The following CTNNA1 variants were observed in gnomAD, a reference collection of about 807,000 sequenced individuals.
CTNNA1 encodes catenin alpha 1.
A neutral mutation model predicts 98.4 loss-of-function variants in CTNNA1; 37 were observed. The observed-to-expected ratio is 0.38, with a 90% CI of 0.29 to 0.49. The LOEUF (loss-of-function observed/expected upper bound fraction) is 0.49. CTNNA1 is among the 20% of genes least tolerant of loss of function. The probability of loss-of-function intolerance (pLI) is 0.95; values close to 1 mark genes in which losing one functional copy is unlikely to be tolerated. For synonymous variants in CTNNA1, 404 were observed against 413.2 expected (o/e 0.98, Z 0.27); for missense variants, 761 against 1,147.2 (o/e 0.66, Z 4.86).
chr5:138,795,893 A>G (rs910009562), intron 3 of CTNNA1, among the ~76,000 whole-genome samples: 25 of 152,218 alleles, frequency 1.6e-4, no homozygotes, highest in Non-Finnish European at 3.2e-4. Flanking sequence ...TTTGTATCCT[A>G]GAGATGAAAC....
At chr5:138,899,741 A>G (rs1757619065) in intron 9 of CTNNA1, among the ~76,000 whole-genome samples, 3 of 152,184 alleles carry the variant, frequency 2.0e-5, no homozygotes, top group Admixed American at 2.0e-4. Flanking sequence ...TACTTCTCTG[A>G]AGTTCTCCTT....
chr5:138,886,096 T>C (rs1259283671), intron 7 of CTNNA1, 116 bp from the exon 8 acceptor site: 1 of 1,165,094 alleles, frequency 8.6e-7, no homozygotes, highest in Non-Finnish European at 1.2e-6. Flanking sequence ...TTTCCAACTT[T>C]GAGTTTAAGA....
At chr5:138,889,184 G>A (rs1754793761) in intron 9 of CTNNA1, among the ~76,000 whole-genome samples, 1 of 152,186 alleles carries the variant, frequency 6.6e-6, no homozygotes, top group Non-Finnish European at 1.5e-5. Flanking sequence ...AGGAAGCAAG[G>A]ATGCTGCCAG....
chr5:138,799,563 G>A (rs933307082), intron 3 of CTNNA1, among the ~76,000 whole-genome samples: 2 of 151,368 alleles, frequency 1.3e-5, no homozygotes, highest in Admixed American at 1.3e-4. Flanking sequence ...TTGAGCATGG[G>A]TTCTTTTTAC....
chr5:138,802,487 G>A (rs1217338789), intron 3 of CTNNA1, among the ~76,000 whole-genome samples: 1 of 151,880 alleles, frequency 6.6e-6, no homozygotes, highest in African/African-American at 2.4e-5. Context: ...AAAATTTTGG[G>A]GGGTCTTATT....
chr5:138,804,896 C>G (rs1304659551), intron 3 of CTNNA1, among the ~76,000 whole-genome samples: 1 of 152,152 alleles, frequency 6.6e-6, no homozygotes, highest in South Asian at 2.1e-4. Context: ...AAAGAAATAC[C>G]TGAAACTGGG....
At chr5:138,759,349 CT>C (rs1242729700) in intron 1 of CTNNA1, among the ~76,000 whole-genome samples, 2 of 152,236 alleles carry the variant, frequency 1.3e-5, no homozygotes, top group Admixed American at 6.5e-5. Flanking sequence ...CTTCTCAGGT[CT>C]TTTTTGAGCC....
At chr5:138,812,617 T>C (rs1758947509) in intron 5 of CTNNA1, among the ~76,000 whole-genome samples, 1 of 152,188 alleles carries the variant, frequency 6.6e-6, no homozygotes, top group South Asian at 2.1e-4. Context: ...AGTGGTGCAG[T>C]TTTGTTCAGA....
Position 138,930,537 on chromosome 5 carries a change from A to G in CTNNA1, c.2075A>G (p.Gln692Arg), listed in dbSNP as rs2150334393. 6.2e-7 allele frequency: 1 copy of G among 1,613,968 alleles called. No homozygotes were observed. Among genetic ancestry groups the G allele is most frequent in the Non-Finnish European group, 8.5e-7 (1 of 1,179,860 alleles). Residue 692 changes from glutamine (Q) to arginine (R), a missense_variant, in exon 15 of 18, where the codon CAG becomes CGG. By Grantham distance (43) the Gln-to-Arg change is conservative (BLOSUM62 1). Transcript: ENST00000302763. ...AKIAEQVASFQEEKSKLDAEV... is the reference protein window; with the variant it reads ...AKIAEQVASFREEKSKLDAEV... ...ATTGCGGAACAGGTGGCCAGCTTCC[A>G]GGAAGAAAAGAGCAAGCTGGATGCT...
chr5:138,856,259 A>G (rs1215158001), intron 7 of CTNNA1, among the ~76,000 whole-genome samples: 2 of 152,214 alleles, frequency 1.3e-5, no homozygotes, highest in Non-Finnish European at 2.9e-5. Flanking sequence ...ATTAAACCTT[A>G]TAATAAGATA....
rs572279985 is a variant in CTNNA1, at chr5:138,875,574, C to T, written c.1063-10638C>T. On this transcript the variant is annotated intron_variant, in intron 7 of 17. Coordinates refer to ENST00000302763, the MANE Select transcript of CTNNA1 (RefSeq NM_001903.5). ...AGCAGTGAGGTTGTAATAAAGGCTG[C>T]ATTCAAGAAGACCCATCTGAACAGT... The T allele has an allele frequency of 7.1e-6, 7 of 985,442 alleles. No individual in the cohort carries two copies. The South Asian group carries it at 1.4e-4, about 20-fold the overall frequency. 61.0% of individuals were successfully genotyped at this position (985,442 alleles called of 1,614,324 possible).
chr5:138,776,043 T>C (rs1399978868), intron 1 of CTNNA1, among the ~76,000 whole-genome samples: 1 of 142,936 alleles, frequency 7.0e-6, no homozygotes, highest in African/African-American at 2.6e-5. Flanking sequence ...ATGTTTCTTT[T>C]TTTTTTTTTT....
In CTNNA1 at chr5:138,877,234, A is replaced by G. The variant is rs1424784062; in HGVS notation, c.1063-8978A>G. 2.6e-5 allele frequency among the ~76,000 whole-genome samples: 4 copies of G among 152,146 alleles called. No individual in the cohort carries two copies. In the East Asian group the frequency reaches 5.8e-4, roughly 22 times the overall value. Reference sequence around the variant, plus strand: ...TCCCCCTCTGACCTTAATCCTTCCTATAGTCTCTCTCAATAGGCTAGAACT... The same window carrying G: ...TCCCCCTCTGACCTTAATCCTTCCTGTAGTCTCTCTCAATAGGCTAGAACT... On this transcript the variant is annotated intron_variant, in intron 7 of 17. Coordinates refer to ENST00000302763, the MANE Select transcript of CTNNA1 (RefSeq NM_001903.5).
At chr5:138,755,965 C>A (rs1418694775) in intron 1 of CTNNA1, among the ~76,000 whole-genome samples, 1 of 143,422 alleles carries the variant, frequency 7.0e-6, no homozygotes, top group African/African-American at 2.6e-5. Context: ...GGGATTCAAG[C>A]GATTCTCCTG....
intron 7 of CTNNA1, among the ~76,000 whole-genome samples, chr5:138,868,192 G>A (rs1432926833): frequency 3.3e-5 from 5 of 152,178 alleles, no homozygotes; most frequent in Admixed American, 1.3e-4. Context: ...GACCGTTTAT[G>A]TTATCAGTAA....
At chr5:138,900,096 C>T (rs545150444) in intron 9 of CTNNA1, among the ~76,000 whole-genome samples, 2 of 152,326 alleles carry the variant, frequency 1.3e-5, no homozygotes, top group Admixed American at 1.3e-4. Flanking sequence ...TTGAGTGCCT[C>T]TGAAATGTTA....
chr5:138,887,424 A>T, intron 8 of CTNNA1, 66 bp from the exon 9 acceptor site: 2 of 1,249,858 alleles, frequency 1.6e-6, no homozygotes, highest in Non-Finnish European at 2.3e-6. Flanking sequence ...ACAAGAGAAT[A>T]AAAAGCAATC....
At chr5:138,887,696 A>G in intron 9 of CTNNA1, 54 bp downstream of exon 9, 4 of 1,468,360 alleles carry the variant, frequency 2.7e-6, no homozygotes, top group Non-Finnish European at 3.7e-6. Flanking sequence ...AAGTGTGGTG[A>G]GTTTTAATCA....
At chr5:138,856,956 C>G (rs1763781939) in intron 7 of CTNNA1, among the ~76,000 whole-genome samples, 1 of 152,108 alleles carries the variant, frequency 6.6e-6, no homozygotes, top group South Asian at 2.1e-4. Flanking sequence ...CATGGGAACT[C>G]CAAGGCTGTC....
Sources: gnomAD v4.1 joint callset for allele counts (sites outside exome capture counted in the v4.1 genomes callset) on GRCh38, gnomAD v4.1.1 for gene constraint, MANE v1.5 for transcripts, NCBI Gene and HGNC (gene_info 2026-07-23, HGNC 2026-07-21) for gene names.